CDH18: variants seen among roughly 807,000 people sequenced by gnomAD.
The protein encoded by CDH18 is cadherin-18.
Under a neutral mutation model 67.9 loss-of-function variants are expected in CDH18, and 31 were observed. That is an observed-to-expected ratio of 0.46 (90% CI 0.34 to 0.62). The LOEUF is 0.62. Among genes scored for constraint, CDH18 ranks in the 20% least tolerant of loss-of-function variants. The probability of loss-of-function intolerance (pLI) is 0.01; values close to 1 mark genes in which losing one functional copy is unlikely to be tolerated. For synonymous variants in CDH18, 362 were observed against 347.2 expected (o/e 1.04, Z -0.48); for missense variants, 890 against 975.5 (o/e 0.91, Z 1.17).
intron 1 of CDH18, among the ~76,000 whole-genome samples, chr5:20,460,171 G>C (rs1040141062): frequency 6.6e-6 from 1 of 151,982 alleles, no homozygotes; most frequent in Non-Finnish European, 1.5e-5. Context: ...GAGGTGGGTG[G>C]ATCACGAAGT....
chr5:20,453,142 C>T (rs781713953), intron 1 of CDH18, among the ~76,000 whole-genome samples: 42 of 152,156 alleles, frequency 2.8e-4, no homozygotes, highest in Non-Finnish European at 5.4e-4. Flanking sequence ...CCCTGGTACT[C>T]ATGACTATAC....
At chr5:20,216,092 T>C (rs751702454) in intron 2 of CDH18, among the ~76,000 whole-genome samples, 4 of 151,868 alleles carry the variant, frequency 2.6e-5, no homozygotes, top group Admixed American at 6.6e-5. Context: ...TTTGACAATA[T>C]AACAAGCTTG....
chr5:19,656,487 A>T (rs752300837), intron 5 of CDH18, among the ~76,000 whole-genome samples: 5 of 152,164 alleles, frequency 3.3e-5, no homozygotes, highest in Non-Finnish European at 5.9e-5. Flanking sequence ...GTCAGTTTAG[A>T]AATACATTTT....
chr5:20,337,442 G>A (rs1252954373), intron 1 of CDH18, among the ~76,000 whole-genome samples: 1 of 152,110 alleles, frequency 6.6e-6, no homozygotes, highest in African/African-American at 2.4e-5. Context: ...GTATTTGTCT[G>A]TTGCCAGATA....
At chr5:19,542,636 T>C (rs1019733979) in intron 9 of CDH18, among the ~76,000 whole-genome samples, 1 of 152,188 alleles carries the variant, frequency 6.6e-6, no homozygotes, top group African/African-American at 2.4e-5. Flanking sequence ...GAACACATCA[T>C]GCTCAATGAT....
At chr5:20,090,572 A>G (rs1745330297) in intron 2 of CDH18, among the ~76,000 whole-genome samples, 2 of 152,072 alleles carry the variant, frequency 1.3e-5, no homozygotes, top group Admixed American at 1.3e-4. Context: ...ACAAACAAAA[A>G]AGAAAACAGT....
intron 5 of CDH18, among the ~76,000 whole-genome samples, chr5:19,686,493 C>A (rs928675425): frequency 2.0e-5 from 3 of 152,118 alleles, no homozygotes; most frequent in Non-Finnish European, 4.4e-5. Context: ...GCTCATTACA[C>A]ATGCAATGAG....
At chr5:19,571,543 A>G (rs775063389) in intron 8 of CDH18, 36 bp downstream of exon 8, 3 of 1,565,452 alleles carry the variant, frequency 1.9e-6, no homozygotes, top group East Asian at 4.5e-5. Flanking sequence ...GGCAATAAAA[A>G]TCTTTCTATG....
At chr5:20,448,209 T>C (rs1750157772) in intron 1 of CDH18, among the ~76,000 whole-genome samples, 1 of 152,070 alleles carries the variant, frequency 6.6e-6, no homozygotes, top group South Asian at 2.1e-4. Context: ...TTCATCCATG[T>C]CCCTACAAAG....
Position 19,850,000 on chromosome 5 carries a change from T to G in CDH18, c.-256-10758A>C, listed in dbSNP as rs76117560. ...TCTTTTTCTAACACAGGATTTAAAT[T>G]GACATGGATTTGAATCATGATGCTT... On this transcript the variant is annotated intron_variant, in intron 2 of 12. Transcript: ENST00000382275. 1.4e-3 allele frequency among the ~76,000 whole-genome samples: 207 copies of G among 151,890 alleles called. 4 individuals are homozygous for G. In the East Asian group the frequency reaches 0.035, roughly 26 times the overall value.
At chr5:20,054,573 T>C (rs550148906) in intron 2 of CDH18, among the ~76,000 whole-genome samples, 1 of 152,278 alleles carries the variant, frequency 6.6e-6, no homozygotes, top group Admixed American at 6.5e-5. Context: ...GTCTATTTTA[T>C]AGCTATCATC....
intron 1 of CDH18, among the ~76,000 whole-genome samples, chr5:20,421,212 G>A (rs1040238922): frequency 6.6e-6 from 1 of 151,110 alleles, no homozygotes; most frequent in African/African-American, 2.5e-5. Flanking sequence ...TTCAGGAGCA[G>A]GGAGCAGGGA....
intron 2 of CDH18, among the ~76,000 whole-genome samples, chr5:20,219,524 A>G (rs1335008268): frequency 1.3e-5 from 2 of 151,626 alleles, no homozygotes; most frequent in Non-Finnish European, 2.9e-5. Flanking sequence ...TGTCAAAAAA[A>G]AAAAAAGAAA....
intron 1 of CDH18, among the ~76,000 whole-genome samples, chr5:20,526,571 C>G (rs900914372): frequency 6.6e-6 from 1 of 152,078 alleles, no homozygotes; most frequent in Non-Finnish European, 1.5e-5. Flanking sequence ...CAGGGAGCAA[C>G]CTTTGCTGTT....
chr5:20,166,265 AC>A (rs1409346713), intron 2 of CDH18, among the ~76,000 whole-genome samples: 12 of 151,854 alleles, frequency 7.9e-5, no homozygotes, highest in African/African-American at 2.9e-4. Flanking sequence ...ACATGGTGAA[AC>A]CCTGTCTCTA....
intron 2 of CDH18, among the ~76,000 whole-genome samples, chr5:20,031,731 A>G (rs1326488888): frequency 2.0e-5 from 3 of 152,274 alleles, no homozygotes; most frequent in African/African-American, 7.2e-5. Context: ...GACTAAGAAT[A>G]GAATAATTAT....
At chr5:20,110,248 T>G (rs1449259834) in intron 2 of CDH18, among the ~76,000 whole-genome samples, 1 of 152,202 alleles carries the variant, frequency 6.6e-6, no homozygotes, top group Admixed American at 6.5e-5. Flanking sequence ...TCTTACTAAC[T>G]CTTGGTCATC....
intron 1 of CDH18, among the ~76,000 whole-genome samples, chr5:20,306,991 A>C (rs1341630366): frequency 6.6e-6 from 1 of 151,982 alleles, no homozygotes; most frequent in African/African-American, 2.4e-5. Context: ...AATTCTACTC[A>C]ATATATATTT....
intron 9 of CDH18, among the ~76,000 whole-genome samples, chr5:19,538,548 C>T (rs1290430215): frequency 6.6e-6 from 1 of 152,022 alleles, no homozygotes; most frequent in Non-Finnish European, 1.5e-5. Context: ...ATTTACTTCA[C>T]AATATAAATT....
Sources: gnomAD v4.1 joint callset for allele counts (sites outside exome capture counted in the v4.1 genomes callset) on GRCh38, gnomAD v4.1.1 for gene constraint, MANE v1.5 for transcripts, NCBI Gene and HGNC (gene_info 2026-07-23, HGNC 2026-07-21) for gene names.